SVIL: variants seen among roughly 807,000 people sequenced by gnomAD.
SVIL encodes the protein supervillin, also known as archvillin.
Under a neutral mutation model 240.4 loss-of-function variants are expected in SVIL, and 101 were observed. That is an observed-to-expected ratio of 0.42 (90% CI 0.36 to 0.50). The LOEUF (loss-of-function observed/expected upper bound fraction) is 0.50. SVIL is among the 20% of genes least tolerant of loss of function. The pLI, the probability that SVIL is intolerant of heterozygous loss-of-function variation, is 0.01. For synonymous variants in SVIL, 999 were observed against 1,100.0 expected, an observed-to-expected ratio of 0.91 and a Z score of 1.82; for missense variants, 2,512 against 2,818.7, an observed-to-expected ratio of 0.89 and a Z score of 2.46.
At chr10:29,636,706 G>A, upstream of SVIL, among the ~76,000 whole-genome samples, 1 of 152,174 alleles carries the variant, frequency 6.6e-6, no homozygotes, top group South Asian at 2.1e-4. Context: ...TGAATTGGAA[G>A]AAAAATCAAC....
intron 1 of SVIL, among the ~76,000 whole-genome samples, chr10:29,613,216 G>A (rs1422585564): frequency 2.6e-5 from 4 of 151,094 alleles, no homozygotes; most frequent in African/African-American, 7.3e-5. Flanking sequence ...GATGCGGGCC[G>A]AATGAGTGAT....
In SVIL at chr10:29,696,857, G is replaced by A. The variant is rs1460500704; in HGVS notation, c.-399-10206C>T. Among the ~76,000 whole-genome samples the A allele has an allele frequency of 6.0e-5, 9 of 150,412 alleles. 1 individual carries two copies. The highest frequency in any genetic ancestry group is 2.1e-4 in the South Asian group (1 of 4,748). On this transcript the variant is annotated intron_variant, in intron 1 of 35. Coordinates refer to the SVIL transcript ENST00000375400. ...CCCCGCCCGGCCAACCGCCCTGTCC[G>A]GGAGGTGAGGGGCGCCTCTGCCCGG...
intron 12 of SVIL, 123 bp from the exon 13 acceptor site, chr10:29,527,179 A>C: frequency 1.1e-6 from 1 of 937,048 alleles, no homozygotes; most frequent in Non-Finnish European, 1.6e-6. Flanking sequence ...TATTTTGCTA[A>C]TTATTTTTGG....
chr10:29,552,096 CAA>C (rs1953404575), intron 5 of SVIL, among the ~76,000 whole-genome samples: 2 of 147,380 alleles, frequency 1.4e-5, no homozygotes, highest in South Asian at 4.4e-4. Context: ...CTAACCTGAG[CAA>C]GAGAGCAAGA....
intron 1 of SVIL, among the ~76,000 whole-genome samples, chr10:29,594,663 C>T (rs1460201937): frequency 1.3e-5 from 2 of 151,794 alleles, no homozygotes; most frequent in Admixed American, 1.3e-4. Context: ...CTCAGGTGAC[C>T]CTCCCACCTC....
chr10:29,507,069 G>A (rs974201600), intron 17 of SVIL, among the ~76,000 whole-genome samples: 2 of 152,184 alleles, frequency 1.3e-5, no homozygotes, highest in African/African-American at 4.8e-5. Flanking sequence ...GTGGGGTTCA[G>A]AGAGGCTACA....
Position 29,490,991 on chromosome 10 carries a change from G to T in SVIL, c.4048C>A (p.Arg1350=). Residue 1350 remains arginine, a synonymous_variant, in exon 22 of 38, where the codon CGG becomes AGG. Transcript: ENST00000355867. ...KLTSSVAEHK[R]AVRPKRRVQA... ...ACCCGGCGCTTGGGCCTAACTGCCC[G>T]CTTGTGCTCGGCCACGGAAGACGTC... 1 of 1,613,956 alleles carries T rather than the reference G, an allele frequency of 6.2e-7. No homozygotes were observed. Among genetic ancestry groups the T allele is most frequent in the Non-Finnish European group, 8.5e-7 (1 of 1,179,848 alleles).
At chr10:29,485,845 T>G (rs1232939448) in intron 26 of SVIL, among the ~76,000 whole-genome samples, 1 of 152,214 alleles carries the variant, frequency 6.6e-6, no homozygotes, top group Non-Finnish European at 1.5e-5. Flanking sequence ...TTGCCTAAGA[T>G]ATAAAAGCCT....
chr10:29,460,781 T>C (rs1158951225), intron 36 of SVIL, among the ~76,000 whole-genome samples: 2 of 152,106 alleles, frequency 1.3e-5, no homozygotes, highest in East Asian at 3.9e-4. Flanking sequence ...TGGTGTGTGC[T>C]TGTAGTCCCA....
rs1042342575 is a variant in SVIL at position 29,484,929 on chromosome 10, G to C, written c.4780-98C>G. ...TCTTGTTGACAGTGAGTCAAACGGA[G>C]GAAGACAGAAATCCTAACGGGGCGA... On this transcript the variant is annotated intron_variant, in intron 26 of 37. Coordinates refer to ENST00000355867, the MANE Select transcript of SVIL (RefSeq NM_021738.3). This position sits in a 1 kb window ranked among gnomAD's most constrained non-coding sequence, Gnocchi z 4.7. 1 of 1,313,994 alleles carries C rather than the reference G, an allele frequency of 7.6e-7. No homozygotes were observed. Among genetic ancestry groups the C allele is most frequent in the African/African-American group, 1.5e-5 (1 of 66,600 alleles). The allele number at this position is 1,313,994 out of a possible 1,614,324, so 81.4% of individuals were successfully genotyped here.
At chr10:29,666,235 T>C (rs1435726206) in intron 2 of SVIL, among the ~76,000 whole-genome samples, 1 of 152,216 alleles carries the variant, frequency 6.6e-6, no homozygotes, top group Non-Finnish European at 1.5e-5. Context: ...CTAACCATTA[T>C]GCTCTGATGT....
In SVIL at chr10:29,484,867, A is replaced by G. The variant is rs755617650; in HGVS notation, c.4780-36T>C. On this transcript the variant is annotated intron_variant, in intron 26 of 37. Transcript: ENST00000355867. The surrounding 1 kb of genome is among the most constrained non-coding windows in gnomAD (Gnocchi z 4.7). ...TGGCACAAAAGAATTTGTTAACTTC[A>G]AGAACATGCAACAGTTGAATCAGGT... 2 of 1,564,164 alleles carry G rather than the reference A, an allele frequency of 1.3e-6. No homozygotes were observed. The highest frequency in any genetic ancestry group is 1.7e-6 in the Non-Finnish European group (2 of 1,152,342).
At chr10:29,661,293 C>T (rs577537519) in intron 2 of SVIL, among the ~76,000 whole-genome samples, 5 of 152,162 alleles carry the variant, frequency 3.3e-5, no homozygotes, top group Admixed American at 2.0e-4. Context: ...AGGAAAACCC[C>T]ACCATCAACC....
intron 1 of SVIL, among the ~76,000 whole-genome samples, chr10:29,628,781 A>C (rs866284290): frequency 3.9e-5 from 6 of 152,352 alleles, no homozygotes; most frequent in African/African-American, 1.4e-4. Context: ...CACCTTATAA[A>C]GAGGAACACC....
At chr10:29,723,758 A>G (rs888739093) in intron 1 of SVIL, among the ~76,000 whole-genome samples, 8 of 152,194 alleles carry the variant, frequency 5.3e-5, no homozygotes, top group African/African-American at 1.7e-4. Context: ...TCTGCAACTC[A>G]TGAACTCTCC....
chr10:29,651,923 T>C (rs1422502246), intron 3 of SVIL, among the ~76,000 whole-genome samples: 1 of 152,046 alleles, frequency 6.6e-6, no homozygotes, highest in Non-Finnish European at 1.5e-5. Flanking sequence ...AATTTAGAGG[T>C]CATTCTTAAT....
intron 1 of SVIL, among the ~76,000 whole-genome samples, chr10:29,627,964 T>C (rs942559641): frequency 6.6e-6 from 1 of 152,226 alleles, no homozygotes; most frequent in Non-Finnish European, 1.5e-5. Context: ...TTCTTAACGG[T>C]ACAGCCAAGC....
chr10:29,557,771 T>G (rs1421899577), intron 3 of SVIL, among the ~76,000 whole-genome samples: 1 of 152,148 alleles, frequency 6.6e-6, no homozygotes, highest in Non-Finnish European at 1.5e-5. Context: ...CACTGCCCTC[T>G]GATAGCCATC....
chr10:29,486,416 A>T lies in SVIL; in HGVS notation c.4627T>A (p.Tyr1543Asn), dbSNP rs1359600152. 6.2e-7 allele frequency: 1 copy of T among 1,614,060 alleles called. No homozygotes were observed. Among genetic ancestry groups the T allele is most frequent in the African/African-American group, 1.3e-5 (1 of 74,942 alleles). The change falls in exon 25 of 38, where the codon TAC (tyrosine) becomes AAC (asparagine). Residue 1543 changes from tyrosine (Y) to asparagine (N), a missense_variant. By Grantham distance (143) the Tyr-to-Asn change is moderately radical (BLOSUM62 -2). Around this residue, in one of 3 missense-constraint regions of SVIL, gnomAD observed 797 missense variants for 925.3 expected, o/e 0.86. Coordinates refer to ENST00000355867, the MANE Select transcript of SVIL (RefSeq NM_021738.3). ...AAGTACAATGAAGTCTTACATTGGT[A>T]ACTGGTTTGGCCACCCAGAAGCTTC... is the stretch of plus-strand genomic sequence containing the variant. ...FWKLLGGQTSYQSAGDPKEDE... is the reference protein window; with the variant it reads ...FWKLLGGQTSNQSAGDPKEDE...
Sources: allele counts gnomAD v4.1 joint callset (sites outside exome capture counted in the v4.1 genomes callset), GRCh38; gene constraint gnomAD v4.1.1; regional missense constraint gnomAD v4.1.1; non-coding constraint Gnocchi (gnomAD v3.1); transcripts MANE v1.5; gene names NCBI Gene and HGNC (gene_info 2026-07-23, HGNC 2026-07-21).